Variants in CEP68 observed in about 807,000 individuals in gnomAD.
CEP68 encodes the protein centrosomal protein 68.
In CEP68, 26 loss-of-function variants were observed where a neutral mutation model predicts 55.3. The observed-to-expected ratio is 0.47, with a 90% CI of 0.34 to 0.65. The LOEUF is 0.65. Ranked by LOEUF, CEP68 falls within the 30% of genes least tolerant of loss-of-function variation. The probability of loss-of-function intolerance (pLI) is 0.01; values close to 1 mark genes in which losing one functional copy is unlikely to be tolerated. For synonymous variants in CEP68, 402 were observed against 383.2 expected (o/e 1.05, Z -0.57); for missense variants, 957 against 946.7 (o/e 1.01, Z -0.14).
At chr2:65,079,266 G>A (rs985931632) in intron 5 of CEP68, among the ~76,000 whole-genome samples, 1 of 152,156 alleles carries the variant, frequency 6.6e-6, no homozygotes, top group Non-Finnish European at 1.5e-5. Context: ...CAGCCTTGGC[G>A]CTTTTGCCAT....
Position 65,066,745 on chromosome 2 carries a change from A to AATAT in CEP68, c.-46-2634_-46-2631dup, listed in dbSNP as rs1553384179. Among the ~76,000 whole-genome samples, 179 of 58,388 alleles carry AATAT rather than the reference A, an allele frequency of 3.1e-3. 3 individuals are homozygous for AATAT. The highest frequency in any genetic ancestry group is 0.017 in the Middle Eastern group (1 of 60). 38.3% of individuals were successfully genotyped at this position (58,388 alleles called of 152,430 possible). A position where few individuals can be genotyped will look rare whatever the true frequency, so the allele number is the denominator to read the frequency against. ...CTGTCTCAAAAAAAAAAAAAAAAAA[A>AATAT]ATATATATATATATATATATATACA... is the stretch of plus-strand genomic sequence containing the variant. On this transcript the variant is annotated intron_variant, in intron 1 of 6. Coordinates refer to ENST00000377990, the MANE Select transcript of CEP68 (RefSeq NM_015147.3).
Position 65,071,519 on chromosome 2 carries a change from AACT to A in CEP68, c.425_427del (p.Thr142del), listed in dbSNP as rs775634157. The A allele has an allele frequency of 6.2e-7, 1 of 1,602,814 alleles. No individual in the cohort carries two copies. Among genetic ancestry groups the A allele is most frequent in the Non-Finnish European group, 8.5e-7 (1 of 1,170,616 alleles). ...AGACTCTGAGCCTTCCCAGAACAAC[AACT>A]ATTTGCTCAGGACATGATGCTGATA... is the stretch of plus-strand genomic sequence containing the variant. On this transcript the variant is annotated inframe_deletion, in exon 3 of 7. Transcript: ENST00000377990.
chr2:65,062,362 C>T (rs996992553), intron 1 of CEP68, among the ~76,000 whole-genome samples: 2 of 151,780 alleles, frequency 1.3e-5, no homozygotes, highest in African/African-American at 4.8e-5. Context: ...GGTTAAACCC[C>T]GTATCTACTA....
At chr2:65,080,281 T>C (rs1251198004) in intron 5 of CEP68, 1 of 985,360 alleles carries the variant, frequency 1.0e-6, no homozygotes, top group Non-Finnish European at 1.2e-6. Context: ...TTCAGATATG[T>C]ATCCAGGCTC....
intron 1 of CEP68, among the ~76,000 whole-genome samples, chr2:65,060,230 AT>A (rs71394917): frequency 4.6e-5 from 7 of 151,796 alleles, no homozygotes; most frequent in African/African-American, 1.7e-4. Flanking sequence ...AAAGAGGGAA[AT>A]TTTTTTTTAT....
intron 4 of CEP68, among the ~76,000 whole-genome samples, chr2:65,077,587 G>A (rs1394593305): frequency 1.3e-5 from 2 of 152,176 alleles, no homozygotes; most frequent in East Asian, 1.9e-4. Flanking sequence ...GCGCTAGAAG[G>A]AGACCCTAAC....
intron 1 of CEP68, among the ~76,000 whole-genome samples, chr2:65,063,191 G>A (rs139613222): frequency 9.3e-4 from 142 of 152,336 alleles, no homozygotes; most frequent in African/African-American, 3.2e-3. Context: ...GCCTCTTCAG[G>A]TTCTGGAAAC....
Position 65,069,693 on chromosome 2 carries a change from C to A in CEP68, c.249C>A (p.Ala83=), listed in dbSNP as rs1218171337. 1 of 1,614,088 alleles carries A rather than the reference C, an allele frequency of 6.2e-7. No individual in the cohort carries two copies. Among genetic ancestry groups the A allele is most frequent in the Non-Finnish European group, 8.5e-7 (1 of 1,180,034 alleles). Residue 83 remains alanine, a synonymous_variant, in exon 2 of 7, where the codon GCC becomes GCA. Coordinates refer to ENST00000377990, the MANE Select transcript of CEP68 (RefSeq NM_015147.3). The part of the protein sequence containing the change: ...GGPSRAHQPQ[A]SDANREPVAE... ...CCTCTAGAGCCCACCAGCCACAGGC[C>A]AGTGATGCCAACAGAGAGCCCGTAG... is the stretch of plus-strand genomic sequence containing the variant.
intron 1 of CEP68, among the ~76,000 whole-genome samples, chr2:65,066,741 AAAAAATAT>A (rs1438943825): frequency 1.1e-5 from 1 of 94,760 alleles, no homozygotes; most frequent in African/African-American, 4.9e-5. Flanking sequence ...AAAAAAAAAA[AAAAAATAT>A]ATATATATAT....
At chr2:65,080,237 AG>A (rs1558568913) in intron 5 of CEP68, 2 of 984,938 alleles carry the variant, frequency 2.0e-6, no homozygotes, top group East Asian at 2.3e-4. Flanking sequence ...CTCTCTCAAG[AG>A]GTTTTTTACT....
Position 65,072,834 on chromosome 2 carries a change from CT to C in CEP68, c.1739del (p.Leu580ProfsTer8). The C allele has an allele frequency of 6.2e-7, 1 of 1,614,194 alleles. No homozygotes were observed. Among genetic ancestry groups the C allele is most frequent in the Non-Finnish European group, 8.5e-7 (1 of 1,180,034 alleles). On this transcript the variant is annotated frameshift_variant, in exon 3 of 7. Coordinates refer to ENST00000377990, the MANE Select transcript of CEP68 (RefSeq NM_015147.3). LOFTEE classifies it high-confidence loss of function. ...AGGCAGTCTGGGGAGCAGCCAGGCC[CT>C]CGGGGTCTCCTCTGGACTGCTGAAA... ...GEGSLGSSQA[L>X]GVSSGLLKTR... is the part of the protein sequence containing the mutation.
At chr2:65,074,429 T>G (rs751112426) in intron 4 of CEP68, 25 bp downstream of exon 4, 15 of 1,613,870 alleles carry the variant, frequency 9.3e-6, no homozygotes, top group Admixed American at 3.3e-5. Flanking sequence ...TGGCTCTGGC[T>G]TGTTCCCTCA....
At chr2:65,080,517 CTAAA>C in intron 5 of CEP68, 2 of 985,402 alleles carry the variant, frequency 2.0e-6, no homozygotes, top group Non-Finnish European at 2.4e-6. Flanking sequence ...TTCTGACAGT[CTAAA>C]TAAAAGTTCA....
intron 3 of CEP68, 60 bp downstream of exon 3, chr2:65,073,040 C>A (rs1676575446): frequency 1.3e-6 from 2 of 1,552,328 alleles, no homozygotes; most frequent in Non-Finnish European, 8.9e-7. Context: ...TCCCCCAATC[C>A]ACTAACATCA....
At position 65,069,611 on chromosome 2, in the gene CEP68, G is replaced by T. The variant is rs41285945; in HGVS notation, c.167G>T (p.Trp56Leu). 5,210 of 1,614,078 alleles carry T rather than the reference G, an allele frequency of 3.2e-3. 13 individuals carry two copies. The highest frequency in any genetic ancestry group is 3.6e-3 in the Non-Finnish European group (4,274 of 1,180,000). ...GAGGGAGGGCTCATCTCCCCTGTAT[G>T]GGGGGCAGAAGGGATACCTGCCCCT... ...EAEGGLISPV[W>L]GAEGIPAPTC... The change falls in exon 2 of 7, where the codon TGG becomes TTG. Residue 56 changes from tryptophan to leucine, a missense_variant. By Grantham distance (61) the Trp-to-Leu change is moderately conservative. Coordinates refer to ENST00000377990, the MANE Select transcript of CEP68 (RefSeq NM_015147.3).
chr2:65,066,708 C>CA (rs1447000700), intron 1 of CEP68, among the ~76,000 whole-genome samples: 1 of 113,736 alleles, frequency 8.8e-6, no homozygotes, highest in African/African-American at 3.5e-5. Flanking sequence ...GCCTGGAAGA[C>CA]AGAGTGAGAC....
chr2:65,074,322 A>G lies in CEP68; in HGVS notation c.1925A>G (p.Tyr642Cys), dbSNP rs753879555. The G allele has an allele frequency of 5.1e-5, 82 of 1,614,200 alleles. 2 individuals are homozygous for G. The Middle Eastern group carries it at 1.3e-3, about 26-fold the overall frequency. The stretch of plus-strand genomic sequence containing the variant: ...CTGGAAGAGCTGATCTGCTGGCTGT[A>G]TAATGTTGCAGATGTTACTGACCAC... ...CQLEELICWL[Y>C]NVADVTDHGT... Residue 642 changes from tyrosine (Y) to cysteine (C), a missense_variant, in exon 4 of 7, where the codon TAT (tyrosine) becomes TGT (cysteine). Tyr to Cys is a radical substitution (Grantham distance 194, BLOSUM62 -2). Coordinates refer to ENST00000377990, the MANE Select transcript of CEP68 (RefSeq NM_015147.3).
At position 65,072,006 on chromosome 2, in the gene CEP68, G is replaced by C; in HGVS notation, c.910G>C (p.Asp304His). ...NPNKEYEDLL[D>H]YTYPLRPGPQ... The stretch of plus-strand genomic sequence containing the variant: ...AAATAAAGAGTATGAAGATCTGCTT[G>C]ACTATACTTACCCACTGAGGCCCGG... The change falls in exon 3 of 7, where the codon GAC (aspartate) becomes CAC (histidine). Residue 304 changes from aspartate (D) to histidine (H), a missense_variant. By Grantham distance (81) the Asp-to-His change is moderately conservative. Transcript: ENST00000377990. 6.2e-7 allele frequency: 1 copy of C among 1,613,052 alleles called. No individual in the cohort carries two copies. The highest frequency in any genetic ancestry group is 8.5e-7 in the Non-Finnish European group (1 of 1,179,986).
chr2:65,085,671 CGTG>C lies in CEP68; in HGVS notation c.*2041_*2043del, dbSNP rs201971109. On this transcript the variant is annotated 3_prime_UTR_variant, in exon 7 of 7. Coordinates refer to ENST00000377990, the MANE Select transcript of CEP68 (RefSeq NM_015147.3). ...AAAATACAAAAAGAAATTAGCCAGG[CGTG>C]GTGATGGGCGCCTGTAGTCCCAGCT... 2,189 of 152,396 alleles carry C rather than the reference CGTG, an allele frequency of 0.014. 23 individuals are homozygous for C. Among genetic ancestry groups the C allele is most frequent in the Non-Finnish European group, 0.019 (1,324 of 68,188 alleles). The allele number at this position is 152,396 out of a possible 1,614,324, so 9.4% of individuals were successfully genotyped here.
Sources: gnomAD v4.1 joint callset for allele counts (sites outside exome capture counted in the v4.1 genomes callset) on GRCh38, gnomAD v4.1.1 for gene constraint, MANE v1.5 for transcripts, NCBI Gene and HGNC (gene_info 2026-07-23, HGNC 2026-07-21) for gene names.